The following KIF9 variants were observed in gnomAD, a reference collection of about 807,000 sequenced individuals.
KIF9 encodes kinesin-like protein KIF9.
A neutral mutation model predicts 94.8 loss-of-function variants in KIF9; 68 were observed. That is an observed-to-expected ratio of 0.72 (90% CI 0.59 to 0.88). KIF9 has a LOEUF of 0.88. Ranked by LOEUF, KIF9 falls within the 40% of genes least tolerant of loss-of-function variation. The probability of loss-of-function intolerance (pLI) is 0.00; values close to 1 mark genes in which losing one functional copy is unlikely to be tolerated. For missense variants in KIF9, 882 were observed against 982.5 expected, an observed-to-expected ratio of 0.90 and a Z score of 1.37; for synonymous variants, 343 against 362.1, an observed-to-expected ratio of 0.95 and a Z score of 0.60.
chr3:47,258,880 G>GA (rs1358311714), intron 9 of KIF9, among the ~76,000 whole-genome samples: 1 of 152,178 alleles, frequency 6.6e-6, no homozygotes, highest in Non-Finnish European at 1.5e-5. Flanking sequence ...CTGGGTCTTT[G>GA]AAATCTGGTG....
rs568064890 is a variant in KIF9 at position 47,241,471 on chromosome 3, G to A, written c.1710-456C>T. On this transcript the variant is annotated intron_variant, in intron 16 of 20. Transcript: ENST00000684063. ...TCAGTAGCTGGGATTACAGGCATGCGCCACCACACCTGGCTAATTTTTTTA... is the reference window on the plus strand; with the variant it reads ...TCAGTAGCTGGGATTACAGGCATGCACCACCACACCTGGCTAATTTTTTTA... 2.0e-3 allele frequency among the ~76,000 whole-genome samples: 299 copies of A among 151,462 alleles called. 7 individuals are homozygous for A. Among genetic ancestry groups the A allele is most frequent in the Admixed American group, 0.019 (296 of 15,198 alleles).
intron 14 of KIF9, chr3:47,245,209 A>C: frequency 1.7e-6 from 1 of 604,306 alleles, no homozygotes; most frequent in East Asian, 2.7e-5. Context: ...AATCGTCTTT[A>C]ATATTATTAT....
chr3:47,259,429 T>C (rs921693138), intron 9 of KIF9, among the ~76,000 whole-genome samples: 8 of 152,192 alleles, frequency 5.3e-5, no homozygotes, highest in Non-Finnish European at 1.5e-5. Flanking sequence ...ATGGCTATCA[T>C]GTCTAACCCT....
At chr3:47,266,907 G>A in intron 7 of KIF9, 69 bp downstream of exon 7, 3 of 1,094,192 alleles carry the variant, frequency 2.7e-6, no homozygotes, top group Middle Eastern at 2.8e-4. Context: ...TGGCCCAGAT[G>A]TGCAGGCACT....
At chr3:47,245,595 G>T in intron 13 of KIF9, 84 bp from the exon 14 acceptor site, 1 of 1,002,726 alleles carries the variant, frequency 1.0e-6, no homozygotes, top group Non-Finnish European at 1.6e-6. Context: ...GGGGTTAAAA[G>T]TCATATGGGT....
intron 10 of KIF9, among the ~76,000 whole-genome samples, chr3:47,255,580 T>A (rs2107325992): frequency 6.6e-6 from 1 of 152,324 alleles, no homozygotes; most frequent in African/African-American, 2.4e-5. Context: ...AGTTCTCAAA[T>A]GTGACAAGGC....
intron 1 of KIF9, among the ~76,000 whole-genome samples, chr3:47,279,903 G>A (rs1038932050): frequency 6.6e-6 from 1 of 152,102 alleles, no homozygotes; most frequent in Admixed American, 6.5e-5. Context: ...TCTAAGAGAG[G>A]TCCAATGGGT....
At position 47,243,196 on chromosome 3, in the gene KIF9, A is replaced by G. The variant is rs1699694700; in HGVS notation, c.1564T>C (p.Leu522=). ...GTCTTGGAGGTGGAAACGTAATCCA[A>G]GTCCTTCCCATTCACAGGGCTGCTG... ...GASSPVNGKD[L]DYVSTSKTQL... Residue 522 remains leucine, a synonymous_variant, in exon 16 of 21, where the codon TTG becomes CTG. Transcript: ENST00000684063. 6.2e-7 allele frequency: 1 copy of G among 1,613,354 alleles called. No homozygotes were observed. Among genetic ancestry groups the G allele is most frequent in the African/African-American group, 1.3e-5 (1 of 74,920 alleles).
At position 47,248,078 on chromosome 3, in the gene KIF9, G is replaced by A; in HGVS notation, c.1068C>T (p.Val356=). Residue 356 remains valine (V), a synonymous_variant, in exon 11 of 21, where the codon GTC becomes GTT. Coordinates refer to ENST00000684063, the MANE Select transcript of KIF9 (RefSeq NM_182902.4). The part of the protein sequence containing the change: ...INEKYDAERM[V]KNLEKELALL... ...GTGCTAGTTCCTTCTCCAGGTTCTT[G>A]ACCATTCTCTGCCGGGAAACATGGT... is the stretch of plus-strand genomic sequence containing the variant. The A allele has an allele frequency of 6.2e-7, 1 of 1,613,270 alleles. No homozygotes were observed. The highest frequency in any genetic ancestry group is 8.5e-7 in the Non-Finnish European group (1 of 1,179,510).
At position 47,228,176 on chromosome 3, in the gene KIF9, G is replaced by A. The variant is rs1311515642; in HGVS notation, c.*476C>T. 1 of 153,358 alleles carries A rather than the reference G, an allele frequency of 6.5e-6. No individual in the cohort carries two copies. The highest frequency in any genetic ancestry group is 1.5e-5 in the Non-Finnish European group (1 of 68,926). The allele number at this position is 153,358 out of a possible 1,614,324, so 9.5% of individuals were successfully genotyped here. On this transcript the variant is annotated 3_prime_UTR_variant, in exon 21 of 21. Coordinates refer to ENST00000684063, the MANE Select transcript of KIF9 (RefSeq NM_182902.4). ...GTCTTGAGAGAACTTAGGGTCTGAG[G>A]GAGCTGTGAGAAGCAGAGCTCCTCA...
chr3:47,258,129 C>A (rs751286144), intron 9 of KIF9, among the ~76,000 whole-genome samples: 1 of 152,136 alleles, frequency 6.6e-6, no homozygotes, highest in Non-Finnish European at 1.5e-5. Flanking sequence ...TTTATATTTT[C>A]TAGTAACCAT....
chr3:47,277,060 T>G (rs1471397985), intron 2 of KIF9: 2 of 376,844 alleles, frequency 5.3e-6, no homozygotes, highest in Non-Finnish European at 9.5e-6. Context: ...CTTATTAATT[T>G]ATTAAAGGTA....
chr3:47,276,593 A>G (rs1476157650), intron 2 of KIF9, among the ~76,000 whole-genome samples: 2 of 151,504 alleles, frequency 1.3e-5, no homozygotes, highest in Non-Finnish European at 2.9e-5. Context: ...AGAAAGAAAG[A>G]CTTGGTCCAC....
intron 20 of KIF9, among the ~76,000 whole-genome samples, chr3:47,233,399 T>C (rs1357047854): frequency 7.6e-6 from 1 of 130,916 alleles, no homozygotes; most frequent in African/African-American, 2.9e-5. Flanking sequence ...TCCTAAAAAT[T>C]AATAAGAAAA....
At chr3:47,281,090 C>G in intron 1 of KIF9, 1 of 699,166 alleles carries the variant, frequency 1.4e-6, no homozygotes. Flanking sequence ...CAGGGCAGAG[C>G]CCAGCACAGA....
At chr3:47,235,339 T>TA (rs1282681861) in intron 20 of KIF9, among the ~76,000 whole-genome samples, 174 bp downstream of exon 20, 1 of 152,180 alleles carries the variant, frequency 6.6e-6, no homozygotes, top group Non-Finnish European at 1.5e-5. Context: ...GGGACTCCTC[T>TA]AGGGTCCAGC....
At chr3:47,277,815 G>A (rs1702072435) in intron 1 of KIF9, among the ~76,000 whole-genome samples, 1 of 151,984 alleles carries the variant, frequency 6.6e-6, no homozygotes, top group South Asian at 2.1e-4. Flanking sequence ...TCTTGCTTCA[G>A]ATACAGCATC....
chr3:47,264,412 G>C, intron 8 of KIF9, 62 bp from the exon 9 acceptor site: 2 of 1,331,850 alleles, frequency 1.5e-6, no homozygotes, highest in Non-Finnish European at 2.2e-6. Context: ...CAAAGGAGTT[G>C]ATGGGGTCTG....
intron 17 of KIF9, among the ~76,000 whole-genome samples, chr3:47,238,819 C>T (rs996323346): frequency 4.6e-5 from 7 of 152,126 alleles, no homozygotes; most frequent in South Asian, 4.1e-4. Flanking sequence ...GCATCACCTA[C>T]GCCCGGATAA....
Sources: gnomAD v4.1 joint callset for allele counts (sites outside exome capture counted in the v4.1 genomes callset) on GRCh38, gnomAD v4.1.1 for gene constraint, MANE v1.5 for transcripts, NCBI Gene and HGNC (gene_info 2026-07-23, HGNC 2026-07-21) for gene names.